PDE6D: variants seen among roughly 807,000 people sequenced by gnomAD.
PDE6D encodes phosphodiesterase 6D.
In PDE6D, 10 loss-of-function variants were observed where a neutral mutation model predicts 21.9. The observed-to-expected ratio is 0.46, with a 90% CI of 0.28 to 0.78. PDE6D has a LOEUF of 0.78. PDE6D is among the 30% of genes least tolerant of loss of function. The pLI, the probability that PDE6D is intolerant of heterozygous loss-of-function variation, is 0.12. For synonymous variants in PDE6D, 59 were observed against 63.5 expected (o/e 0.93, Z 0.34); for missense variants, 139 against 184.8 (o/e 0.75, Z 1.44).
At position 231,732,966 on chromosome 2, in the gene PDE6D, G is replaced by T; in HGVS notation, c.439C>A (p.Leu147Ile). The change falls in exon 5 of 5, where the codon CTT (leucine) becomes ATT (isoleucine). Residue 147 changes from leucine to isoleucine, a missense_variant. Leu to Ile is a conservative substitution (Grantham distance 5, BLOSUM62 2). Coordinates refer to ENST00000287600, the MANE Select transcript of PDE6D (RefSeq NM_002601.4). ...ACATTCTTCTTTCAAACATAGAAAAGTCTCACTCTGGATGTGCTTACAAGA... is the reference window on the plus strand; with the variant it reads ...ACATTCTTCTTTCAAACATAGAAAATTCTCACTCTGGATGTGCTTACAAGA... ...DLLVSTSRVR[L>I]FYV 1 of 1,609,606 alleles carries T rather than the reference G, an allele frequency of 6.2e-7. No homozygotes were observed. The highest frequency in any genetic ancestry group is 2.2e-5 in the East Asian group (1 of 44,846).
intron 1 of PDE6D, among the ~76,000 whole-genome samples, chr2:231,756,195 T>C (rs937678927): frequency 6.6e-6 from 1 of 152,144 alleles, no homozygotes; most frequent in African/African-American, 2.4e-5. Context: ...ACAGAAGTTT[T>C]GGGGGCAGAC....
chr2:231,735,070 G>A (rs1345850425), intron 4 of PDE6D, among the ~76,000 whole-genome samples: 5 of 146,868 alleles, frequency 3.4e-5, no homozygotes, highest in African/African-American at 5.0e-5. Flanking sequence ...GTGAAACCCC[G>A]TCTCTACTAA....
intron 1 of PDE6D, among the ~76,000 whole-genome samples, chr2:231,767,606 A>G (rs138062189): frequency 9.2e-5 from 14 of 152,070 alleles, no homozygotes; most frequent in East Asian, 7.7e-4. Flanking sequence ...GAGCCACCGC[A>G]CCCAACCACT....
intron 1 of PDE6D, among the ~76,000 whole-genome samples, chr2:231,745,718 A>G (rs992232423): frequency 5.9e-5 from 9 of 152,254 alleles, no homozygotes; most frequent in African/African-American, 2.2e-4. Context: ...AAGGTAAAAA[A>G]GGAAGTAAAT....
chr2:231,741,113 C>CAAAAAAA (rs56947117), intron 1 of PDE6D, among the ~76,000 whole-genome samples: 4 of 54,874 alleles, frequency 7.3e-5, no homozygotes, highest in African/African-American at 7.4e-5. Context: ...AACCCTGTCT[C>CAAAAAAA]AAAAAAAAAA....
At chr2:231,734,135 A>G (rs957789400) in intron 4 of PDE6D, among the ~76,000 whole-genome samples, 1 of 151,652 alleles carries the variant, frequency 6.6e-6, no homozygotes, top group African/African-American at 2.4e-5. Context: ...AATGGTGGGA[A>G]CCCGGGAGGC....
Position 231,738,135 on chromosome 2 carries a change from C to T in PDE6D, c.143G>A (p.Arg48His), listed in dbSNP as rs767716256. 15 of 1,610,796 alleles carry T rather than the reference C, an allele frequency of 9.3e-6. No homozygotes were observed. Among genetic ancestry groups the T allele is most frequent in the South Asian group, 4.4e-5 (4 of 90,556 alleles). Reference protein sequence around the residue: ...LSVPGVEHEARVPKKILKCKA... With the variant: ...LSVPGVEHEAHVPKKILKCKA... Reference sequence around the variant, plus strand: ...GCACTTGAGGATTTTCTTGGGAACACGGGCTGGTAAGAGAAAAACAAATGT... The same window carrying T: ...GCACTTGAGGATTTTCTTGGGAACATGGGCTGGTAAGAGAAAAACAAATGT... The change falls in exon 3 of 5, where the codon CGT (arginine) becomes CAT (histidine). Residue 48 changes from arginine to histidine, a missense_variant. Arg to His is a conservative substitution (Grantham distance 29, BLOSUM62 0). Transcript: ENST00000287600.
At chr2:231,765,390 A>G (rs550172755) in intron 1 of PDE6D, among the ~76,000 whole-genome samples, 6 of 152,326 alleles carry the variant, frequency 3.9e-5, no homozygotes, top group African/African-American at 1.4e-4. Context: ...CTCCCTAAGG[A>G]CAACACCTAA....
intron 1 of PDE6D, among the ~76,000 whole-genome samples, chr2:231,759,720 G>T (rs2048911229): frequency 6.6e-6 from 1 of 152,126 alleles, no homozygotes; most frequent in South Asian, 2.1e-4. Flanking sequence ...AGAGACCCCA[G>T]GAGTATAAGT....
intron 1 of PDE6D, among the ~76,000 whole-genome samples, chr2:231,756,300 C>G (rs2048882041): frequency 6.6e-6 from 1 of 152,182 alleles, no homozygotes. Flanking sequence ...GCTTGGCCAT[C>G]ATATACCATT....
intron 4 of PDE6D, among the ~76,000 whole-genome samples, chr2:231,735,005 G>A (rs1447420705): frequency 1.3e-5 from 2 of 151,320 alleles, no homozygotes; most frequent in African/African-American, 4.8e-5. Flanking sequence ...CACTTTGGGA[G>A]GCCGAGGCGG....
At chr2:231,752,462 T>G (rs1419828948) in intron 1 of PDE6D, among the ~76,000 whole-genome samples, 1 of 152,240 alleles carries the variant, frequency 6.6e-6, no homozygotes, top group African/African-American at 2.4e-5. Flanking sequence ...AGGACATTAT[T>G]ATGCCATAAT....
chr2:231,768,776 C>T (rs966701353), intron 1 of PDE6D: 1 of 152,236 alleles, frequency 6.6e-6, no homozygotes. Context: ...GTACTTGATA[C>T]TACTCGGCAT....
rs556259161 is a variant in PDE6D at position 231,780,604 on chromosome 2, C to T, written c.50+461G>A. ...CACTGGTATTTGTCCCACACAAGGT[C>T]GCCCGCTCCAAGTCACTGTTCCCCG... On this transcript the variant is annotated intron_variant, in intron 1 of 4. Transcript: ENST00000287600. Among the ~76,000 whole-genome samples, 5 of 152,288 alleles carry T rather than the reference C, an allele frequency of 3.3e-5. No homozygotes were observed. In the South Asian group the frequency reaches 1.0e-3, roughly 32 times the overall value.
chr2:231,737,105 C>G, intron 4 of PDE6D, 82 bp downstream of exon 4: 1 of 742,112 alleles, frequency 1.3e-6, no homozygotes, highest in Non-Finnish European at 2.3e-6. Context: ...TCTCTGCCCA[C>G]TGAATGGCAC....
At chr2:231,752,865 ACT>A (rs1466550914) in intron 1 of PDE6D, among the ~76,000 whole-genome samples, 1 of 125,572 alleles carries the variant, frequency 8.0e-6, no homozygotes, top group Non-Finnish European at 1.6e-5. Context: ...ACGGAGTCTC[ACT>A]CTGTCGCCCA....
At chr2:231,764,886 G>A (rs2106281491) in intron 1 of PDE6D, among the ~76,000 whole-genome samples, 1 of 152,304 alleles carries the variant, frequency 6.6e-6, no homozygotes, top group African/African-American at 2.4e-5. Flanking sequence ...ATCACACTAA[G>A]CAATAGAGGG....
chr2:231,745,164 A>G (rs1440751047), intron 1 of PDE6D, among the ~76,000 whole-genome samples: 1 of 152,110 alleles, frequency 6.6e-6, no homozygotes, highest in African/African-American at 2.4e-5. Context: ...ACAATGAGAA[A>G]AGCTGGTCCT....
At chr2:231,780,290 A>T (rs2049097889) in intron 1 of PDE6D, among the ~76,000 whole-genome samples, 1 of 152,134 alleles carries the variant, frequency 6.6e-6, no homozygotes, top group African/African-American at 2.4e-5. Flanking sequence ...CACCGACAGG[A>T]GCGAGCAAAG....
Sources: gnomAD v4.1 joint callset for allele counts (sites outside exome capture counted in the v4.1 genomes callset) on GRCh38, gnomAD v4.1.1 for gene constraint, MANE v1.5 for transcripts, NCBI Gene and HGNC (gene_info 2026-07-23, HGNC 2026-07-21) for gene names.